TRAPPC9: variants seen among roughly 807,000 people sequenced by gnomAD.
TRAPPC9 encodes the protein trafficking protein particle complex subunit 9, also known as IKK2 binding protein.
Under a neutral mutation model 124.0 loss-of-function variants are expected in TRAPPC9, and 83 were observed. The observed-to-expected ratio is 0.67, with a 90% CI of 0.56 to 0.80. The LOEUF (loss-of-function observed/expected upper bound fraction) is 0.80, where lower values mean the gene tolerates loss of function less well. Ranked by LOEUF, TRAPPC9 falls within the 30% of genes least tolerant of loss-of-function variation. The pLI is 0.00. For missense variants in TRAPPC9, 1,302 were observed against 1,508.3 expected (o/e 0.86, Z 2.27); for synonymous variants, 638 against 617.5 (o/e 1.03, Z -0.49).
chr8:140,318,893 A>G (rs1243754644), intron 9 of TRAPPC9, among the ~76,000 whole-genome samples: 3 of 152,230 alleles, frequency 2.0e-5, no homozygotes, highest in Non-Finnish European at 4.4e-5. Context: ...TTCCTGTTCC[A>G]AAATATGAAG....
At chr8:140,425,571 CT>C (rs1564015818) in intron 5 of TRAPPC9, among the ~76,000 whole-genome samples, 84 of 152,302 alleles carry the variant, frequency 5.5e-4, no homozygotes, top group African/African-American at 2.0e-3. Context: ...TAAGCTACTT[CT>C]ATATGGTGTA....
At chr8:139,948,879 C>G (rs1335416019) in intron 19 of TRAPPC9, among the ~76,000 whole-genome samples, 1 of 152,178 alleles carries the variant, frequency 6.6e-6, no homozygotes, top group Non-Finnish European at 1.5e-5. Flanking sequence ...GAGTTCGAGA[C>G]CAGCCTGGCC....
upstream of TRAPPC9, chr8:140,458,563 A>T (rs2071794468): frequency 1.3e-6 from 2 of 1,573,094 alleles, no homozygotes; most frequent in Non-Finnish European, 1.7e-6. Context: ...AGCTGGCACC[A>T]TGGCACTCCC....
At position 140,002,724 on chromosome 8, in the gene TRAPPC9, G is replaced by A. The variant is rs1838479951; in HGVS notation, c.2700-13888C>T. Among the ~76,000 whole-genome samples the A allele has an allele frequency of 4.0e-5, 6 of 151,740 alleles. 1 individual carries two copies. The South Asian group carries it at 1.2e-3, about 32-fold the overall frequency. On this transcript the variant is annotated intron_variant, in intron 18 of 22. Transcript: ENST00000438773. Reference sequence around the variant, plus strand: ...ACATAGTTCTCTGGAGCAGAATAAAGTGTCCAGAAATAGAATTACACACAG... The same window carrying A: ...ACATAGTTCTCTGGAGCAGAATAAAATGTCCAGAAATAGAATTACACACAG...
chr8:140,179,329 G>A (rs2062147926), intron 17 of TRAPPC9, among the ~76,000 whole-genome samples: 1 of 152,060 alleles, frequency 6.6e-6, no homozygotes, highest in African/African-American at 2.4e-5. Flanking sequence ...TCTTCTTGGA[G>A]CCCACGGGTT....
At chr8:139,909,570 C>T (rs1463479344) in intron 20 of TRAPPC9, among the ~76,000 whole-genome samples, 1 of 152,230 alleles carries the variant, frequency 6.6e-6, no homozygotes, top group Non-Finnish European at 1.5e-5. Context: ...GCTGAACAAA[C>T]AAATGAGGGA....
At position 140,320,316 on chromosome 8, in the gene TRAPPC9, G is replaced by A. The variant is rs2066559332; in HGVS notation, c.1496-8942C>T. On this transcript the variant is annotated intron_variant, in intron 9 of 22. Coordinates refer to ENST00000438773, the MANE Select transcript of TRAPPC9 (RefSeq NM_001160372.4). ...AGTGGAAAACAAAACAAAAGGAAAA[G>A]ATGGAGCTGACGCATCTTTATTTGT... 6.6e-5 allele frequency among the ~76,000 whole-genome samples: 10 copies of A among 152,342 alleles called. No homozygotes were observed. The South Asian group carries it at 2.1e-3, about 32-fold the overall frequency.
At chr8:139,816,560 G>GGTGGAGCCCAGAT (rs1285687819) in intron 21 of TRAPPC9, among the ~76,000 whole-genome samples, 13 of 149,230 alleles carry the variant, frequency 8.7e-5, no homozygotes, top group Non-Finnish European at 1.8e-4. Context: ...GGAGCCCAGA[G>GGTGGAGCCCAGAT]AGTCCCCTCC....
intron 19 of TRAPPC9, among the ~76,000 whole-genome samples, chr8:139,945,561 A>C (rs1834158355): frequency 1.3e-5 from 2 of 149,162 alleles, no homozygotes; most frequent in East Asian, 1.9e-4. Context: ...AAAAAAAAAA[A>C]AAAAAAAAAA....
At chr8:139,928,623 C>T (rs752606198) in intron 19 of TRAPPC9, among the ~76,000 whole-genome samples, 1 of 151,840 alleles carries the variant, frequency 6.6e-6, no homozygotes, top group Non-Finnish European at 1.5e-5. Context: ...GACCTCAGAG[C>T]TGCTGTCGGT....
At chr8:139,781,584 G>T (rs1005915511) in intron 21 of TRAPPC9, among the ~76,000 whole-genome samples, 1 of 152,232 alleles carries the variant, frequency 6.6e-6, no homozygotes, top group Non-Finnish European at 1.5e-5. Context: ...CGCATAGAAT[G>T]TACAATGCCA....
At chr8:140,270,671 G>A (rs1169375559) in intron 15 of TRAPPC9, among the ~76,000 whole-genome samples, 2 of 152,224 alleles carry the variant, frequency 1.3e-5, no homozygotes, top group East Asian at 3.9e-4. Flanking sequence ...GGGCAGCCAA[G>A]CCAGAGCCCA....
At chr8:140,025,000 A>C (rs115296743) in intron 17 of TRAPPC9, among the ~76,000 whole-genome samples, 1 of 152,166 alleles carries the variant, frequency 6.6e-6, no homozygotes, top group Non-Finnish European at 1.5e-5. Context: ...GGGAGTACTC[A>C]TGTGCTCCTG....
At chr8:140,122,354 G>A (rs7004801) in intron 17 of TRAPPC9, among the ~76,000 whole-genome samples, 63,757 of 151,990 alleles carry the variant, frequency 0.42, 14,076 homozygotes, top group African/African-American at 0.55. Context: ...TGACCCAGCT[G>A]AGCCATGCCT....
At chr8:140,048,457 C>T (rs1159177042) in intron 17 of TRAPPC9, among the ~76,000 whole-genome samples, 1 of 151,970 alleles carries the variant, frequency 6.6e-6, no homozygotes, top group Admixed American at 6.5e-5. Flanking sequence ...GACAATAGCC[C>T]TATGCCAGGT....
chr8:140,130,805 TTG>T (rs1290759265), intron 17 of TRAPPC9, among the ~76,000 whole-genome samples: 1 of 152,180 alleles, frequency 6.6e-6, no homozygotes, highest in African/African-American at 2.4e-5. Context: ...AGGGGGTTCT[TTG>T]TACTATGCTT....
At chr8:139,899,341 T>C (rs969906585) in intron 20 of TRAPPC9, among the ~76,000 whole-genome samples, 2 of 152,136 alleles carry the variant, frequency 1.3e-5, no homozygotes, top group Non-Finnish European at 2.9e-5. Context: ...GTATTTTGCA[T>C]GTTATATGTA....
In TRAPPC9 at chr8:139,766,996, C is replaced by T. The variant is rs556187898; in HGVS notation, c.3056-34794G>A. ...GTGAGCCCCTGGAGTGCGGCCCTGG[C>T]ACAGGGCCCGGCTGGCAGTTGCTGG... On this transcript the variant is annotated intron_variant, in intron 21 of 22. Transcript: ENST00000438773. Among the ~76,000 whole-genome samples, 10 of 152,318 alleles carry T rather than the reference C, an allele frequency of 6.6e-5. No homozygotes were observed. In the South Asian group the frequency reaches 2.1e-3, roughly 32 times the overall value.
intron 19 of TRAPPC9, among the ~76,000 whole-genome samples, chr8:139,927,340 G>A (rs995240014): frequency 6.6e-6 from 1 of 152,096 alleles, no homozygotes. Context: ...GACCTCCCAG[G>A]CTCAAGCAAT....
Sources: allele counts gnomAD v4.1 joint callset (sites outside exome capture counted in the v4.1 genomes callset), GRCh38; gene constraint gnomAD v4.1.1; transcripts MANE v1.5; gene names NCBI Gene and HGNC (gene_info 2026-07-23, HGNC 2026-07-21).